Variants in IL6ST observed in about 807,000 individuals in gnomAD.
IL6ST encodes interleukin 6 cytokine family signal transducer.
A neutral mutation model predicts 91.3 loss-of-function variants in IL6ST; 24 were observed. That is an observed-to-expected ratio of 0.26 (90% CI 0.19 to 0.37). IL6ST has a LOEUF of 0.37. IL6ST is among the 10% of genes least tolerant of loss of function. IL6ST has a pLI of 1.00. For missense variants in IL6ST, 914 were observed against 1,078.5 expected, an observed-to-expected ratio of 0.85 and a Z score of 2.14; for synonymous variants, 351 against 373.6, an observed-to-expected ratio of 0.94 and a Z score of 0.70.
At chr5:55,974,523 CA>C (rs1377470723) in intron 3 of IL6ST, among the ~76,000 whole-genome samples, 1 of 151,878 alleles carries the variant, frequency 6.6e-6, no homozygotes, top group African/African-American at 2.4e-5. Flanking sequence ...TTCACTCTGT[CA>C]CCCAGACTGG....
intron 1 of IL6ST, chr5:55,994,309 A>C (rs1754513992): frequency 6.6e-6 from 1 of 152,182 alleles, no homozygotes; most frequent in African/African-American, 2.4e-5. Flanking sequence ...AAGAAACGTT[A>C]ATAGTGTTTA....
chr5:55,981,810 T>C (rs1488521417), intron 2 of IL6ST, among the ~76,000 whole-genome samples: 1 of 152,214 alleles, frequency 6.6e-6, no homozygotes, highest in Admixed American at 6.5e-5. Context: ...TTGCATACAC[T>C]AACCTTCCTT....
chr5:55,937,043 CTT>C lies in IL6ST; in HGVS notation c.*4037_*4038del, dbSNP rs1750575946. 1 of 200,682 alleles carries C rather than the reference CTT, an allele frequency of 5.0e-6. No individual in the cohort carries two copies. The highest frequency in any genetic ancestry group is 2.3e-5 in the African/African-American group (1 of 43,618). The allele number at this position is 200,682 out of a possible 1,614,324, so 12.4% of individuals were successfully genotyped here. On this transcript the variant is annotated 3_prime_UTR_variant, in exon 17 of 17. Transcript: ENST00000381298. Reference sequence around the variant, plus strand: ...TCAAATATCTACCTTTGAAATATCCCTTTGTTTCTAACACATCACATTATGGT... The same window carrying C: ...TCAAATATCTACCTTTGAAATATCCCTGTTTCTAACACATCACATTATGGT...
intron 11 of IL6ST, among the ~76,000 whole-genome samples, chr5:55,954,102 CTG>C (rs1450553548): frequency 1.3e-5 from 2 of 152,172 alleles, no homozygotes; most frequent in Admixed American, 6.6e-5. Flanking sequence ...CTTATTAAAA[CTG>C]TACACTAATA....
chr5:55,954,438 C>T (rs1052804902), intron 11 of IL6ST, among the ~76,000 whole-genome samples: 1 of 152,142 alleles, frequency 6.6e-6, no homozygotes, highest in East Asian at 1.9e-4. Context: ...TAAGACATTA[C>T]ACAAGTCATC....
intron 15 of IL6ST, among the ~76,000 whole-genome samples, chr5:55,943,375 A>G (rs1751040273): frequency 6.6e-6 from 1 of 152,236 alleles, no homozygotes; most frequent in South Asian, 2.1e-4. Context: ...ACCTTCCCAC[A>G]AAACTCTGGG....
intron 7 of IL6ST, among the ~76,000 whole-genome samples, chr5:55,961,164 T>C (rs1752290772): frequency 6.6e-6 from 1 of 152,230 alleles, no homozygotes. Context: ...GTTATTTGGT[T>C]TTAGAAGTAT....
chr5:55,980,864 G>A (rs1054438623), intron 2 of IL6ST, among the ~76,000 whole-genome samples: 1 of 152,034 alleles, frequency 6.6e-6, no homozygotes, highest in Admixed American at 6.6e-5. Flanking sequence ...CCCTAATCAT[G>A]TAACAGCTTG....
At chr5:55,976,377 G>T in intron 2 of IL6ST, 84 bp from the exon 3 acceptor site, 1 of 637,714 alleles carries the variant, frequency 1.6e-6, no homozygotes, top group Non-Finnish European at 2.5e-6. Context: ...TTTCCATGCT[G>T]TAGCTGTGTT....
intron 11 of IL6ST, among the ~76,000 whole-genome samples, chr5:55,952,933 C>T (rs1751729752): frequency 6.6e-6 from 1 of 151,926 alleles, no homozygotes; most frequent in African/African-American, 2.4e-5. Flanking sequence ...TGGTGGTGGG[C>T]ACCTGTAGTC....
At chr5:55,941,876 G>A (rs1214973234) in intron 16 of IL6ST, 57 bp from the exon 17 acceptor site, 3 of 1,449,752 alleles carry the variant, frequency 2.1e-6, no homozygotes, top group African/African-American at 1.4e-5. Context: ...CAGAGCTAAT[G>A]CATCTCTGAA....
chr5:55,949,919 C>T (rs1463950102), intron 14 of IL6ST, among the ~76,000 whole-genome samples: 2 of 151,924 alleles, frequency 1.3e-5, no homozygotes, highest in East Asian at 3.9e-4. Flanking sequence ...GTAGGGGGAG[C>T]AAGAAAGAAT....
rs946582489 is a variant in IL6ST at position 55,945,744 on chromosome 5, G to A, written c.1937+1749C>T. On this transcript the variant is annotated intron_variant, in intron 15 of 16. Coordinates refer to ENST00000381298, the MANE Select transcript of IL6ST (RefSeq NM_002184.4). ...TGGCTCACTGCAACCCATGCCTCCT[G>A]GGTTCAAGCAATTCTCCTGCCTCAG... is the stretch of plus-strand genomic sequence containing the variant. Among the ~76,000 whole-genome samples the A allele has an allele frequency of 3.8e-5, 5 of 129,956 alleles. No homozygotes were observed. The Admixed American group carries it at 4.0e-4, about 10-fold the overall frequency. 85.3% of individuals were successfully genotyped at this position (129,956 alleles called of 152,430 possible). A position where few individuals can be genotyped will look rare whatever the true frequency, so the allele number is the denominator to read the frequency against.
chr5:55,951,685 T>G, intron 13 of IL6ST, 81 bp from the exon 14 acceptor site: 1 of 1,364,388 alleles, frequency 7.3e-7, no homozygotes, highest in Non-Finnish European at 1.0e-6. Context: ...TGTGAAAGTG[T>G]TAAAAAAGAA....
At chr5:55,952,893 T>C (rs1751727715) in intron 11 of IL6ST, among the ~76,000 whole-genome samples, 1 of 152,066 alleles carries the variant, frequency 6.6e-6, no homozygotes, top group Non-Finnish European at 1.5e-5. Flanking sequence ...GAAACCCCCC[T>C]TTACTGAAAA....
rs1361635193 is a variant in IL6ST at position 55,935,337 on chromosome 5, G to C, written c.*5745C>G. ...TCACAGGGAATAAAGAATCAGGTTT[G>C]AATGTCCACAGGTTTCTAAAACTAA... is the stretch of plus-strand genomic sequence containing the variant. On this transcript the variant is annotated 3_prime_UTR_variant, in exon 17 of 17. Coordinates refer to ENST00000381298, the MANE Select transcript of IL6ST (RefSeq NM_002184.4). 5.0e-6 allele frequency: 1 copy of C among 199,050 alleles called. No individual in the cohort carries two copies. The highest frequency in any genetic ancestry group is 1.0e-5 in the Non-Finnish European group (1 of 96,356). 12.3% of individuals were successfully genotyped at this position (199,050 alleles called of 1,614,324 possible).
rs1752764554 is a variant in IL6ST at position 55,968,465 on chromosome 5, C to T, written c.371-69G>A. The T allele has an allele frequency of 9.9e-6, 14 of 1,420,988 alleles. No individual in the cohort carries two copies. The South Asian group carries it at 1.1e-4, about 11-fold the overall frequency. 88.0% of individuals were successfully genotyped at this position (1,420,988 alleles called of 1,614,324 possible). ...CAAATATTATGCAATTTATATACTA[C>T]CCAAGGCATTTGCGATCTAAATTAG... On this transcript the variant is annotated intron_variant, in intron 4 of 16. Coordinates refer to ENST00000381298, the MANE Select transcript of IL6ST (RefSeq NM_002184.4).
chr5:55,945,713 T>G (rs1231551222), intron 15 of IL6ST, among the ~76,000 whole-genome samples: 2 of 140,656 alleles, frequency 1.4e-5, no homozygotes, highest in Non-Finnish European at 3.0e-5. Flanking sequence ...TGCAGTGATG[T>G]GATCTTGGCT....
intron 7 of IL6ST, among the ~76,000 whole-genome samples, chr5:55,962,263 A>G (rs553530220): frequency 4.6e-5 from 7 of 152,302 alleles, no homozygotes; most frequent in Admixed American, 3.3e-4. Context: ...AGCACTTTAG[A>G]TAAGTGGGGT....
Sources: gnomAD v4.1 joint callset for allele counts (sites outside exome capture counted in the v4.1 genomes callset) on GRCh38, gnomAD v4.1.1 for gene constraint, MANE v1.5 for transcripts, NCBI Gene and HGNC (gene_info 2026-07-23, HGNC 2026-07-21) for gene names.